APCDD1L: variants seen among roughly 807,000 people sequenced by gnomAD.
The protein encoded by APCDD1L is protein APCDD1-like.
A neutral mutation model predicts 24.2 loss-of-function variants in APCDD1L; 21 were observed. The observed-to-expected ratio is 0.87, with a 90% CI of 0.61 to 1.25. The LOEUF is 1.25. APCDD1L is among the 50% of genes most tolerant of loss of function. The pLI is 0.00. For missense variants in APCDD1L, 704 were observed against 711.7 expected (o/e 0.99, Z 0.12); for synonymous variants, 321 against 323.6 (o/e 0.99, Z 0.09).
rs747426350 is a variant in APCDD1L, at chr20:58,494,729, C to T, written c.49+19930G>A. On this transcript the variant is annotated intron_variant, in intron 1 of 3. Coordinates refer to ENST00000371149, the MANE Select transcript of APCDD1L (RefSeq NM_153360.3). This position sits in a 1 kb window ranked among gnomAD's most constrained non-coding sequence, Gnocchi z 4.8. ...TGATCAAGTCAGTCCTGTTGAAAGC[C>T]CCTTCCATTCTGAAGTGCTACGAGC... Among the ~76,000 whole-genome samples the T allele has an allele frequency of 1.3e-5, 2 of 152,108 alleles. No individual in the cohort carries two copies. Among genetic ancestry groups the T allele is most frequent in the Non-Finnish European group, 2.9e-5 (2 of 68,018 alleles).
At chr20:58,471,476 C>T (rs1250257340) in intron 1 of APCDD1L, among the ~76,000 whole-genome samples, 1 of 152,352 alleles carries the variant, frequency 6.6e-6, no homozygotes, top group East Asian at 1.9e-4. Flanking sequence ...AGGAATTGGG[C>T]TCAGGGCAGA....
At chr20:58,477,831 G>T (rs1184085725) in intron 1 of APCDD1L, among the ~76,000 whole-genome samples, 1 of 152,044 alleles carries the variant, frequency 6.6e-6, no homozygotes, top group Non-Finnish European at 1.5e-5. Context: ...TGTTGCCCAG[G>T]CTGGTCTTGA....
At chr20:58,480,744 TTGTTTAGGAATGTTCCAGAACGAAAAC>T (rs1292315563) in intron 1 of APCDD1L, among the ~76,000 whole-genome samples, 2 of 152,204 alleles carry the variant, frequency 1.3e-5, no homozygotes, top group Non-Finnish European at 2.9e-5. Context: ...TTCTGTTTGT[TTGTTTAGGAATGTTCCAGAACGAAAAC>T]TGTGCACATG....
At chr20:58,503,806 A>G (rs536629457) in intron 1 of APCDD1L, among the ~76,000 whole-genome samples, 2 of 152,246 alleles carry the variant, frequency 1.3e-5, no homozygotes, top group East Asian at 3.9e-4. Context: ...GCAACATCTG[A>G]CTCATGTAAG....
At chr20:58,509,916 C>T (rs1235585921) in intron 1 of APCDD1L, among the ~76,000 whole-genome samples, 1 of 152,216 alleles carries the variant, frequency 6.6e-6, no homozygotes, top group East Asian at 1.9e-4. Context: ...GGCCCCACAA[C>T]CCTCCAGGAA....
intron 1 of APCDD1L, among the ~76,000 whole-genome samples, chr20:58,513,005 A>G (rs977138184): frequency 6.6e-6 from 1 of 151,552 alleles, no homozygotes; most frequent in Non-Finnish European, 1.5e-5. Context: ...CCCAAGAGCC[A>G]GCCACGGCTC....
intron 3 of APCDD1L, among the ~76,000 whole-genome samples, chr20:58,465,063 T>A (rs957216328): frequency 6.6e-6 from 1 of 152,088 alleles, no homozygotes; most frequent in African/African-American, 2.4e-5. Context: ...TGGGGATGCA[T>A]GAAATTGCCA....
intron 1 of APCDD1L, chr20:58,514,044 C>G: frequency 4.6e-6 from 5 of 1,077,910 alleles, no homozygotes; most frequent in Non-Finnish European, 4.8e-6. Context: ...ACCCTACTCC[C>G]CACCCCCACG....
intron 1 of APCDD1L, among the ~76,000 whole-genome samples, chr20:58,506,872 G>C (rs552215911): frequency 1.2e-4 from 19 of 152,318 alleles, no homozygotes; most frequent in East Asian, 5.8e-4. Flanking sequence ...ATCAGGGCAG[G>C]GAGGTATTTG....
At chr20:58,466,642 C>G (rs1364822224) in intron 3 of APCDD1L, among the ~76,000 whole-genome samples, 3 of 152,242 alleles carry the variant, frequency 2.0e-5, no homozygotes, top group Admixed American at 2.0e-4. Flanking sequence ...GGACCTAGCG[C>G]CAGAGGGAGA....
At chr20:58,464,266 T>C (rs1214464450) in intron 3 of APCDD1L, among the ~76,000 whole-genome samples, 1 of 152,170 alleles carries the variant, frequency 6.6e-6, no homozygotes, top group Non-Finnish European at 1.5e-5. Flanking sequence ...CAAAAGATAT[T>C]CTCTGCAGAT....
At chr20:58,485,550 C>A (rs1287776114) in intron 1 of APCDD1L, among the ~76,000 whole-genome samples, 3 of 152,196 alleles carry the variant, frequency 2.0e-5, no homozygotes, top group Non-Finnish European at 4.4e-5. Flanking sequence ...AACTTGGATT[C>A]TTACCCTTCT....
intron 1 of APCDD1L, among the ~76,000 whole-genome samples, chr20:58,506,363 A>T (rs1990528372): frequency 6.6e-6 from 1 of 152,206 alleles, no homozygotes; most frequent in Non-Finnish European, 1.5e-5. Context: ...GCCACCCAGA[A>T]GAAGCAATGT....
intron 1 of APCDD1L, among the ~76,000 whole-genome samples, chr20:58,510,397 A>C (rs1990604773): frequency 6.6e-6 from 1 of 152,116 alleles, no homozygotes; most frequent in East Asian, 1.9e-4. Context: ...CATTGGTGCA[A>C]TCTTGGCCCA....
chr20:58,469,302 T>C (rs75741173), intron 2 of APCDD1L, among the ~76,000 whole-genome samples: 4 of 151,946 alleles, frequency 2.6e-5, no homozygotes, highest in Admixed American at 6.6e-5. Flanking sequence ...AATACTAGTA[T>C]AGGTACTTAA....
At chr20:58,472,991 A>G (rs1312513585) in intron 1 of APCDD1L, among the ~76,000 whole-genome samples, 1 of 152,182 alleles carries the variant, frequency 6.6e-6, no homozygotes, top group Non-Finnish European at 1.5e-5. Context: ...CCTGGATTCA[A>G]TTCTGCAGGT....
At chr20:58,514,201 C>A (rs1206961638) in intron 1 of APCDD1L, among the ~76,000 whole-genome samples, 1 of 152,174 alleles carries the variant, frequency 6.6e-6, no homozygotes, top group Non-Finnish European at 1.5e-5. Flanking sequence ...CTCCCCGAGT[C>A]CTGCTGCAGG....
intron 1 of APCDD1L, among the ~76,000 whole-genome samples, chr20:58,511,868 T>C (rs2123199976): frequency 6.6e-6 from 1 of 151,934 alleles, no homozygotes; most frequent in Non-Finnish European, 1.5e-5. Context: ...TCGCAAAGTA[T>C]ATAGCGAGAG....
chr20:58,471,800 G>A (rs377387537), intron 1 of APCDD1L, among the ~76,000 whole-genome samples: 14 of 152,218 alleles, frequency 9.2e-5, no homozygotes, highest in African/African-American at 7.2e-5. Flanking sequence ...GCTCAGGGGC[G>A]CTGGCCTGGC....
Sources: allele counts gnomAD v4.1 joint callset (sites outside exome capture counted in the v4.1 genomes callset), GRCh38; gene constraint gnomAD v4.1.1; non-coding constraint Gnocchi (gnomAD v3.1); transcripts MANE v1.5; gene names NCBI Gene and HGNC (gene_info 2026-07-23, HGNC 2026-07-21).